Variants in VIRMA observed in about 807,000 individuals in gnomAD.
The protein encoded by VIRMA is protein virilizer homolog.
A neutral mutation model predicts 182.4 loss-of-function variants in VIRMA; 65 were observed. That is an observed-to-expected ratio of 0.36 (90% CI 0.29 to 0.44). The LOEUF is 0.44. Ranked by LOEUF, VIRMA falls within the 20% of genes least tolerant of loss-of-function variation. The probability of loss-of-function intolerance (pLI) is 1.00; values close to 1 mark genes in which losing one functional copy is unlikely to be tolerated. For missense variants in VIRMA, 1,752 were observed against 2,158.1 expected (o/e 0.81, Z 3.73); for synonymous variants, 709 against 743.1 (o/e 0.95, Z 0.75).
At chr8:94,536,310 C>T (rs1815340461) in intron 4 of VIRMA, among the ~76,000 whole-genome samples, 1 of 152,130 alleles carries the variant, frequency 6.6e-6, no homozygotes, top group African/African-American at 2.4e-5. Context: ...ATTTAATACC[C>T]ATCCCCCCCA....
At chr8:94,552,884 G>A (rs1816049100) in intron 1 of VIRMA, among the ~76,000 whole-genome samples, 1 of 152,028 alleles carries the variant, frequency 6.6e-6, no homozygotes, top group East Asian at 1.9e-4. Context: ...AGGCCAAATC[G>A]GAGAGCACCG....
At chr8:94,550,605 T>G (rs1815949097) in intron 1 of VIRMA, among the ~76,000 whole-genome samples, 1 of 152,068 alleles carries the variant, frequency 6.6e-6, no homozygotes, top group African/African-American at 2.4e-5. Flanking sequence ...TCTGAACCAT[T>G]TTAAGTATTA....
At chr8:94,543,978 G>C (rs189516191) in intron 1 of VIRMA, 36 bp from the exon 2 acceptor site, 1 of 1,031,608 alleles carries the variant, frequency 9.7e-7, no homozygotes, top group African/African-American at 1.6e-5. Context: ...GGAGGGGTTC[G>C]GAACATTATG....
intron 16 of VIRMA, among the ~76,000 whole-genome samples, chr8:94,501,388 AG>A (rs149194363): frequency 0.07 from 10,590 of 152,204 alleles, 529 homozygotes; most frequent in African/African-American, 0.14. Context: ...GGAAGAAATA[AG>A]CTGACATAAA....
intron 20 of VIRMA, among the ~76,000 whole-genome samples, chr8:94,494,299 A>T (rs1046570056): frequency 2.4e-4 from 36 of 149,206 alleles, no homozygotes; most frequent in East Asian, 3.9e-4. Context: ...TTAAAAAAAA[A>T]TTTTTTTTTT....
At chr8:94,553,257 G>C in intron 1 of VIRMA, 128 bp downstream of exon 1, 1 of 891,130 alleles carries the variant, frequency 1.1e-6, no homozygotes, top group Non-Finnish European at 1.9e-6. Context: ...GCTCGGGGGA[G>C]GGTGTCTGTG....
At chr8:94,538,986 C>T (rs1364904653) in intron 2 of VIRMA, among the ~76,000 whole-genome samples, 2 of 151,870 alleles carry the variant, frequency 1.3e-5, no homozygotes, top group South Asian at 2.1e-4. Context: ...ACTGTAGCCT[C>T]GAGCTCCCAG....
intron 11 of VIRMA, among the ~76,000 whole-genome samples, chr8:94,514,128 TGC>T (rs1169748034): frequency 6.6e-6 from 1 of 151,904 alleles, no homozygotes; most frequent in African/African-American, 2.4e-5. Context: ...TGCATGCGTG[TGC>T]GCACACACTC....
intron 11 of VIRMA, among the ~76,000 whole-genome samples, chr8:94,514,077 A>ACT (rs36005087): frequency 2.6e-5 from 4 of 151,846 alleles, no homozygotes; most frequent in Non-Finnish European, 5.9e-5. Flanking sequence ...TGGCTTATAT[A>ACT]CTCTCTCTCT....
At chr8:94,530,895 T>C in intron 6 of VIRMA, 68 bp downstream of exon 6, 1 of 1,537,454 alleles carries the variant, frequency 6.5e-7, no homozygotes, top group African/African-American at 1.4e-5. Flanking sequence ...AGTGAGACCA[T>C]CTCAAAACAA....
rs531249363 is a variant in VIRMA, at chr8:94,539,087, A to ATT, written c.180-742_180-741insAA. 6.7e-5 allele frequency among the ~76,000 whole-genome samples: 10 copies of ATT among 148,946 alleles called. No individual in the cohort carries two copies. The South Asian group carries it at 1.7e-3, about 25-fold the overall frequency. ...GGGCTAATTTTTTTTTTTTTTTTTA[A>ATT]GTAGAGACAAGTTATCACTATGTTG... On this transcript the variant is annotated intron_variant, in intron 2 of 23. Coordinates refer to ENST00000297591, the MANE Select transcript of VIRMA (RefSeq NM_015496.5).
At chr8:94,539,098 G>C (rs1815450883) in intron 2 of VIRMA, among the ~76,000 whole-genome samples, 2 of 148,910 alleles carry the variant, frequency 1.3e-5, no homozygotes, top group Admixed American at 1.3e-4. Flanking sequence ...GTAGAGACAA[G>C]TTATCACTAT....
At chr8:94,532,646 C>T (rs143000225) in intron 5 of VIRMA, among the ~76,000 whole-genome samples, 1 of 152,118 alleles carries the variant, frequency 6.6e-6, no homozygotes, top group Non-Finnish European at 1.5e-5. Flanking sequence ...TTGCAACCTC[C>T]TGTCAATCTA....
intron 2 of VIRMA, among the ~76,000 whole-genome samples, chr8:94,540,844 T>G (rs1314917436): frequency 6.6e-6 from 1 of 152,168 alleles, no homozygotes; most frequent in East Asian, 1.9e-4. Flanking sequence ...ACTCTTTCTT[T>G]ACTTTTGAGA....
At position 94,538,236 on chromosome 8, in the gene VIRMA, T is replaced by A. The variant is rs1053533320; in HGVS notation, c.266+24A>T. The A allele has an allele frequency of 2.0e-6, 3 of 1,501,148 alleles. No individual in the cohort carries two copies. The African/African-American group carries it at 4.1e-5, about 21-fold the overall frequency. 93.0% of individuals were successfully genotyped at this position (1,501,148 alleles called of 1,614,324 possible). A position where few individuals can be genotyped will look rare whatever the true frequency, so the allele number is the denominator to read the frequency against. On this transcript the variant is annotated intron_variant, in intron 3 of 23. Transcript: ENST00000297591. ...TGCTTACTAACTCATGAGTTTCTGG[T>A]GAAATTACCTAGCAGGTACATACCT...
At chr8:94,538,811 G>A (rs1357703939) in intron 2 of VIRMA, among the ~76,000 whole-genome samples, 3 of 151,974 alleles carry the variant, frequency 2.0e-5, no homozygotes, top group Admixed American at 1.3e-4. Flanking sequence ...ATGGGGTTTC[G>A]CTATGTTAGC....
At chr8:94,533,845 AAC>A (rs1315615066) in intron 5 of VIRMA, 1 of 152,130 alleles carries the variant, frequency 6.6e-6, no homozygotes, top group Non-Finnish European at 1.5e-5. Context: ...AGTAGCTGGG[AAC>A]ACAGATGCAT....
In VIRMA at chr8:94,507,941, A is replaced by ATATG. The variant is rs1165769139; in HGVS notation, c.3880-1228_3880-1225dup. Among the ~76,000 whole-genome samples the ATATG allele has an allele frequency of 4.8e-4, 39 of 81,244 alleles. 1 individual carries two copies. The highest frequency in any genetic ancestry group is 7.6e-4 in the East Asian group (2 of 2,634). 53.3% of individuals were successfully genotyped at this position (81,244 alleles called of 152,430 possible). ...TGTATATATGTATGTACATATGTGT[A>ATATG]TATGTGTATATATGTATATACATAT... On this transcript the variant is annotated intron_variant, in intron 15 of 23. Transcript: ENST00000297591.
chr8:94,541,104 G>A (rs538347614), intron 2 of VIRMA, among the ~76,000 whole-genome samples: 58 of 150,792 alleles, frequency 3.8e-4, no homozygotes, highest in Non-Finnish European at 7.2e-4. Flanking sequence ...TGGAATAGAG[G>A]AATTATAATT....
Sources: allele counts gnomAD v4.1 joint callset (sites outside exome capture counted in the v4.1 genomes callset), GRCh38; gene constraint gnomAD v4.1.1; transcripts MANE v1.5; gene names NCBI Gene and HGNC (gene_info 2026-07-23, HGNC 2026-07-21).